The following CHRNG variants were observed in gnomAD, a reference collection of about 807,000 sequenced individuals.
CHRNG encodes the protein cholinergic receptor nicotinic gamma subunit.
CHRNG carries 72 observed loss-of-function variants against 65.2 expected under a neutral mutation model. The observed-to-expected ratio is 1.10, with a 90% CI of 0.91 to 1.34. CHRNG has a LOEUF of 1.34. Ranked by LOEUF, CHRNG falls within the 40% of genes most tolerant of loss-of-function variation. CHRNG has a pLI of 0.00. For synonymous variants in CHRNG, 284 were observed against 290.2 expected (o/e 0.98, Z 0.22); for missense variants, 637 against 680.1 (o/e 0.94, Z 0.70).
Position 232,541,446 on chromosome 2 carries a change from G to A in CHRNG, c.423G>A (p.Leu141=). Residue 141 remains leucine, a synonymous_variant, in exon 5 of 12, where the codon CTG becomes CTA. Transcript: ENST00000651502. The surrounding 1 kb of genome is among the most constrained non-coding windows in gnomAD (Gnocchi z 4.0). ...CCCCTGACGGCTGTATCTACTGGCT[G>A]CCGCCTGCCATCTTCCGTTCCGCCT... ...LVSPDGCIYW[L]PPAIFRSACS... is the part of the protein sequence containing the mutation. The A allele has an allele frequency of 1.2e-6, 2 of 1,614,122 alleles. No individual in the cohort carries two copies. Among genetic ancestry groups the A allele is most frequent in the Non-Finnish European group, 1.7e-6 (2 of 1,179,992 alleles).
Position 232,545,531 on chromosome 2 carries a change from T to C in CHRNG, c.1381-12T>C, listed in dbSNP as rs1390972646. 3 of 1,612,792 alleles carry C rather than the reference T, an allele frequency of 1.9e-6. No individual in the cohort carries two copies. Among genetic ancestry groups the C allele is most frequent in the Non-Finnish European group, 2.5e-6 (3 of 1,179,714 alleles). On this transcript the variant is annotated splice_polypyrimidine_tract_variant and intron_variant, in intron 11 of 11. Transcript: ENST00000651502. ...CGCCGCTGGTTATCCCACACCTGCC[T>C]CCCACCCTCAGGGGAATGAGGAGTG...
intron 10 of CHRNG, 72 bp downstream of exon 10, chr2:232,544,652 T>C: frequency 1.3e-6 from 2 of 1,563,382 alleles, no homozygotes; most frequent in Non-Finnish European, 1.8e-6. Context: ...GCACAGCAGA[T>C]GAGTGCTGGA....
rs1692098288 is a variant in CHRNG, at chr2:232,545,021, G to A, written c.1380+119G>A. The A allele has an allele frequency of 2.3e-6, 3 of 1,278,860 alleles. No individual in the cohort carries two copies. The Admixed American group carries it at 5.8e-5, about 25-fold the overall frequency. 79.2% of individuals were successfully genotyped at this position (1,278,860 alleles called of 1,614,324 possible). On this transcript the variant is annotated intron_variant, in intron 11 of 11. Coordinates refer to ENST00000651502, the MANE Select transcript of CHRNG (RefSeq NM_005199.5). ...GTGGGATGGAAAAACATGAGGCCGG[G>A]TGCAGTGGGTCACACCTGTAATCCC... is the stretch of plus-strand genomic sequence containing the variant.
At position 232,540,767 on chromosome 2, in the gene CHRNG, C is replaced by G. The variant is rs746931133; in HGVS notation, c.350+56C>G. 33 of 1,482,014 alleles carry G rather than the reference C, an allele frequency of 2.2e-5. No individual in the cohort carries two copies. In the South Asian group the frequency reaches 3.8e-4, roughly 17 times the overall value. The allele number at this position is 1,482,014 out of a possible 1,614,324, so 91.8% of individuals were successfully genotyped here. A position where few individuals can be genotyped will look rare whatever the true frequency, so the allele number is the denominator to read the frequency against. ...GGACAAAGGACACAGGGTCTGGGCC[C>G]AGCAGAACAAGGCACTCTGGGAAAA... is the stretch of plus-strand genomic sequence containing the variant. On this transcript the variant is annotated intron_variant, in intron 4 of 11. Coordinates refer to ENST00000651502, the MANE Select transcript of CHRNG (RefSeq NM_005199.5). The surrounding 1 kb of genome is among the most constrained non-coding windows in gnomAD (Gnocchi z 4.2).
At chr2:232,542,741 C>T (rs1451768511) in intron 6 of CHRNG, 141 bp from the exon 7 acceptor site, 1 of 767,836 alleles carries the variant, frequency 1.3e-6, no homozygotes, top group Admixed American at 2.0e-5. Flanking sequence ...AATCTCCCAC[C>T]CCACTTCTGT....
rs144523413 is a variant in CHRNG, at chr2:232,545,917, G to A, written c.*201G>A. 3 of 670,576 alleles carry A rather than the reference G, an allele frequency of 4.5e-6. No individual in the cohort carries two copies. The highest frequency in any genetic ancestry group is 2.7e-5 in the East Asian group (1 of 36,670). The allele number at this position is 670,576 out of a possible 1,614,324, so 41.5% of individuals were successfully genotyped here. A position where few individuals can be genotyped will look rare whatever the true frequency, so the allele number is the denominator to read the frequency against. On this transcript the variant is annotated 3_prime_UTR_variant, in exon 12 of 12. Coordinates refer to ENST00000651502, the MANE Select transcript of CHRNG (RefSeq NM_005199.5). ...AGTGGTTGGGGGTGGGCCGTGGCTA[G>A]TGTCCTGCTGCAGTCAGCACACACG... is the stretch of plus-strand genomic sequence containing the variant.
Position 232,548,041 on chromosome 2 carries a change from A to G in CHRNG, c.*2325A>G. 1.8e-6 allele frequency: 1 copy of G among 562,322 alleles called. No individual in the cohort carries two copies. The highest frequency in any genetic ancestry group is 3.1e-6 in the Non-Finnish European group (1 of 321,288). The allele number at this position is 562,322 out of a possible 1,614,324, so 34.8% of individuals were successfully genotyped here. On this transcript the variant is annotated 3_prime_UTR_variant, in exon 12 of 12. Coordinates refer to ENST00000651502, the MANE Select transcript of CHRNG (RefSeq NM_005199.5). ...TGTAGACCAGCAAGAGTGCAATAGC[A>G]TTGTCTAATAAAACAATATACATAC...
At chr2:232,544,667 T>A in intron 10 of CHRNG, 87 bp downstream of exon 10, 1 of 1,563,078 alleles carries the variant, frequency 6.4e-7, no homozygotes, top group Non-Finnish European at 8.8e-7. Context: ...GCTGGAGAAG[T>A]GCCCAGGTCA....
Position 232,545,843 on chromosome 2 carries a change from C to A in CHRNG, c.*127C>A. 1 of 1,087,036 alleles carries A rather than the reference C, an allele frequency of 9.2e-7. No homozygotes were observed. Among genetic ancestry groups the A allele is most frequent in the Middle Eastern group, 2.0e-4 (1 of 4,992 alleles). The allele number at this position is 1,087,036 out of a possible 1,614,324, so 67.3% of individuals were successfully genotyped here. ...AAGTGCCCTTCAGGACTGTGTGAGCCAAACAGCCCTGAGAAAAGCTGGGGA... is the reference window on the plus strand; with the variant it reads ...AAGTGCCCTTCAGGACTGTGTGAGCAAAACAGCCCTGAGAAAAGCTGGGGA... On this transcript the variant is annotated 3_prime_UTR_variant, in exon 12 of 12. Transcript: ENST00000651502.
Position 232,540,652 on chromosome 2 carries a change from G to A in CHRNG, c.291G>A (p.Leu97=). Residue 97 remains leucine, a synonymous_variant, in exon 4 of 12, where the codon CTG becomes CTA. Coordinates refer to ENST00000651502, the MANE Select transcript of CHRNG (RefSeq NM_005199.5). This position sits in a 1 kb window ranked among gnomAD's most constrained non-coding sequence, Gnocchi z 4.2. ...GGGATCCGCGAGACTACGAAGGCCT[G>A]TGGGTGCTGAGGGTGCCGTCCACCA... ...LRWDPRDYEG[L]WVLRVPSTMV... is the part of the protein sequence containing the mutation. 6.2e-7 allele frequency: 1 copy of A among 1,613,214 alleles called. No homozygotes were observed. Among genetic ancestry groups the A allele is most frequent in the Non-Finnish European group, 8.5e-7 (1 of 1,180,010 alleles).
Position 232,544,367 on chromosome 2 carries a change from G to T in CHRNG, c.1036G>T (p.Val346Leu), listed in dbSNP as rs775309134. The change falls in exon 10 of 12, where the codon GTG becomes TTG. Residue 346 changes from valine (V) to leucine (L), a missense_variant and splice_region_variant. Physicochemically the swap from Val to Leu is conservative, Grantham distance 32. Coordinates refer to ENST00000651502, the MANE Select transcript of CHRNG (RefSeq NM_005199.5). ...THSMARGVRK[V>L]FLRLLPQLLR... The stretch of plus-strand genomic sequence containing the variant: ...CCTAGTGAAGCCACCCCCTCTCTAG[G>T]TGTTCCTGAGGCTCTTGCCCCAGCT... The T allele has an allele frequency of 1.4e-5, 22 of 1,612,662 alleles. No individual in the cohort carries two copies. The highest frequency in any genetic ancestry group is 3.4e-6 in the Non-Finnish European group (4 of 1,179,662).
Position 232,539,696 on chromosome 2 carries a change from C to A in CHRNG, c.-52C>A. The A allele has an allele frequency of 6.3e-7, 1 of 1,582,384 alleles. No individual in the cohort carries two copies. On this transcript the variant is annotated 5_prime_UTR_variant, in exon 1 of 12. Transcript: ENST00000651502. The stretch of plus-strand genomic sequence containing the variant: ...ACCCAGAGCCCATCTCTCTCTGCCC[C>A]AGACCTTGGAGCTGTTGTCCCACCC...
At position 232,544,357 on chromosome 2, in the gene CHRNG, C is replaced by T. The variant is rs1267559997; in HGVS notation, c.1036-10C>T. 2 of 1,607,146 alleles carry T rather than the reference C, an allele frequency of 1.2e-6. No homozygotes were observed. Among genetic ancestry groups the T allele is most frequent in the South Asian group, 2.2e-5 (2 of 90,946 alleles). On this transcript the variant is annotated splice_polypyrimidine_tract_variant and intron_variant, in intron 9 of 11. Transcript: ENST00000651502. ...GGCCTGCTGCCCTAGTGAAGCCACCCCCTCTCTAGGTGTTCCTGAGGCTCT... is the reference window on the plus strand; with the variant it reads ...GGCCTGCTGCCCTAGTGAAGCCACCTCCTCTCTAGGTGTTCCTGAGGCTCT...
In CHRNG at chr2:232,541,483, G is replaced by A. The variant is rs756232748; in HGVS notation, c.460G>A (p.Val154Ile). 3.0e-5 allele frequency: 48 copies of A among 1,613,996 alleles called. No individual in the cohort carries two copies. Among genetic ancestry groups the A allele is most frequent in the Admixed American group, 1.7e-4 (10 of 60,004 alleles). Residue 154 changes from valine (V) to isoleucine (I), a missense_variant, in exon 5 of 12, where the codon GTC (valine) becomes ATC (isoleucine). Physicochemically the swap from Val to Ile is conservative, Grantham distance 29. Coordinates refer to ENST00000651502, the MANE Select transcript of CHRNG (RefSeq NM_005199.5). The surrounding 1 kb of genome is among the most constrained non-coding windows in gnomAD (Gnocchi z 4.0). ...CTTCCGTTCCGCCTGCTCTATCTCA[G>A]TCACCTACTTCCCCTTCGACTGGCA... ...AIFRSACSIS[V>I]TYFPFDWQNC...
rs1574648611 is a variant in CHRNG, at chr2:232,547,245, G to A, written c.*1529G>A. Among the ~76,000 whole-genome samples, 2 of 152,054 alleles carry A rather than the reference G, an allele frequency of 1.3e-5. No individual in the cohort carries two copies. The highest frequency in any genetic ancestry group is 1.9e-4 in the East Asian group (1 of 5,162). On this transcript the variant is annotated 3_prime_UTR_variant, in exon 12 of 12. Coordinates refer to ENST00000651502, the MANE Select transcript of CHRNG (RefSeq NM_005199.5). ...CAGCCTGGGCAACATGGGGACACCC[G>A]GCCTCTACCAAAAAATACAAAACTT...
At position 232,540,610 on chromosome 2, in the gene CHRNG, C is replaced by A. The variant is rs376744239; in HGVS notation, c.249C>A (p.Cys83Ter). The change falls in exon 4 of 12, where the codon TGC becomes TGA. Residue 83 changes from cysteine to a stop codon, truncating the protein, a stop_gained. Coordinates refer to ENST00000651502, the MANE Select transcript of CHRNG (RefSeq NM_005199.5). LOFTEE classifies it high-confidence loss of function. This position sits in a 1 kb window ranked among gnomAD's most constrained non-coding sequence, Gnocchi z 4.2. Reference sequence around the variant, plus strand: ...TGCCCCTCCCCCTGCAGCAGTGGTGCGACTATCGCCTGCGCTGGGATCCGC... The same window carrying A: ...TGCCCCTCCCCCTGCAGCAGTGGTGAGACTATCGCCTGCGCTGGGATCCGC... ...TTNVWIEMQWCDYRLRWDPRD... is the reference protein window; with the variant it reads ...TTNVWIEMQW 6.2e-7 allele frequency: 1 copy of A among 1,611,534 alleles called. No homozygotes were observed. Among genetic ancestry groups the A allele is most frequent in the Non-Finnish European group, 8.5e-7 (1 of 1,179,804 alleles).
Position 232,545,561 on chromosome 2 carries a change from C to A in CHRNG, c.1399C>A (p.Leu467Met), listed in dbSNP as rs771657153. ...CCCTCAGGGGAATGAGGAGTGGTTC[C>A]TGGTGGGCCGAGTGCTGGACCGCGT... ...HFDNGNEEWF[L>M]VGRVLDRVCF... Residue 467 changes from leucine to methionine, a missense_variant, in exon 12 of 12, where the codon CTG (leucine) becomes ATG (methionine). Coordinates refer to ENST00000651502, the MANE Select transcript of CHRNG (RefSeq NM_005199.5). 4.3e-6 allele frequency: 7 copies of A among 1,613,964 alleles called. No individual in the cohort carries two copies. The South Asian group carries it at 7.7e-5, about 18-fold the overall frequency.
intron 11 of CHRNG, among the ~76,000 whole-genome samples, 179 bp from the exon 12 acceptor site, chr2:232,545,364 G>A (rs1378641786): frequency 1.1e-5 from 1 of 92,606 alleles, no homozygotes; most frequent in African/African-American, 3.0e-5. Context: ...AACAGGGGCA[G>A]GGGGGGCACC....
Position 232,540,854 on chromosome 2 carries a change from G to A in CHRNG, c.350+143G>A. The A allele has an allele frequency of 2.5e-6, 2 of 789,730 alleles. No individual in the cohort carries two copies. Among genetic ancestry groups the A allele is most frequent in the South Asian group, 1.6e-5 (1 of 62,708 alleles). The allele number at this position is 789,730 out of a possible 1,614,324, so 48.9% of individuals were successfully genotyped here. ...TGGGGCTAGGGAAGAACTGGATGGA[G>A]CAGGTGCCGAGGGCAGGGCCCTGGG... On this transcript the variant is annotated intron_variant, in intron 4 of 11. Transcript: ENST00000651502. This position sits in a 1 kb window ranked among gnomAD's most constrained non-coding sequence, Gnocchi z 4.2.
Sources: gnomAD v4.1 joint callset for allele counts (sites outside exome capture counted in the v4.1 genomes callset) on GRCh38, gnomAD v4.1.1 for gene constraint, Gnocchi (gnomAD v3.1) non-coding constraint, MANE v1.5 for transcripts, NCBI Gene and HGNC (gene_info 2026-07-23, HGNC 2026-07-21) for gene names.